The following EXT1 variants were observed in gnomAD, a reference collection of about 807,000 sequenced individuals.
EXT1 encodes exostosin glycosyltransferase 1, also known as exostosin-1.
A neutral mutation model predicts 82.5 loss-of-function variants in EXT1; 20 were observed. The observed-to-expected ratio is 0.24, with a 90% CI of 0.17 to 0.35. The LOEUF (loss-of-function observed/expected upper bound fraction) is 0.35. Ranked by LOEUF, EXT1 falls within the 10% of genes least tolerant of loss-of-function variation. The pLI, the probability that EXT1 is intolerant of heterozygous loss-of-function variation, is 1.00. For missense variants in EXT1, 757 were observed against 936.5 expected (o/e 0.81, Z 2.50); for synonymous variants, 348 against 350.8 (o/e 0.99, Z 0.09).
At chr8:117,905,722 C>G (rs1268275302) in intron 1 of EXT1, among the ~76,000 whole-genome samples, 2 of 151,454 alleles carry the variant, frequency 1.3e-5, no homozygotes, top group African/African-American at 4.9e-5. Context: ...TGAGGCAGGA[C>G]AATGGCGTGA....
intron 1 of EXT1, among the ~76,000 whole-genome samples, chr8:117,855,968 C>T (rs1048615573): frequency 6.6e-6 from 1 of 152,314 alleles, no homozygotes; most frequent in African/African-American, 2.4e-5. Flanking sequence ...CCATGCCCGG[C>T]CGCATCTCTC....
intron 1 of EXT1, among the ~76,000 whole-genome samples, chr8:117,889,743 T>A (rs1036275669): frequency 2.6e-5 from 4 of 152,178 alleles, no homozygotes; most frequent in South Asian, 2.1e-4. Flanking sequence ...CAAAAATTAC[T>A]TTGCATACAA....
intron 1 of EXT1, among the ~76,000 whole-genome samples, chr8:118,059,184 G>C (rs917101546): frequency 1.3e-5 from 2 of 152,170 alleles, no homozygotes; most frequent in African/African-American, 4.8e-5. Context: ...AGCCTTTTAG[G>C]GCAACAGGGG....
chr8:118,045,370 C>A (rs1257779814), intron 1 of EXT1, among the ~76,000 whole-genome samples: 1 of 152,146 alleles, frequency 6.6e-6, no homozygotes, highest in East Asian at 1.9e-4. Flanking sequence ...GGGAAGAAAG[C>A]ACAAGTTCAA....
intron 7 of EXT1, among the ~76,000 whole-genome samples, chr8:117,817,267 T>A (rs1811838448): frequency 6.6e-6 from 1 of 152,156 alleles, no homozygotes; most frequent in Admixed American, 6.5e-5. Context: ...CTTGTCCTTG[T>A]GACAGTTACA....
intron 1 of EXT1, among the ~76,000 whole-genome samples, chr8:117,913,061 T>TA (rs1426964056): frequency 6.6e-6 from 1 of 152,048 alleles, no homozygotes; most frequent in Non-Finnish European, 1.5e-5. Context: ...CTGTCTCTAA[T>TA]AAAAATACAA....
At chr8:117,928,330 G>C (rs1158748603) in intron 1 of EXT1, among the ~76,000 whole-genome samples, 2 of 152,218 alleles carry the variant, frequency 1.3e-5, no homozygotes, top group Non-Finnish European at 2.9e-5. Context: ...ATTACCTTAA[G>C]TAGGCACCTG....
chr8:117,998,733 T>A (rs1815598831), intron 1 of EXT1, among the ~76,000 whole-genome samples: 1 of 152,212 alleles, frequency 6.6e-6, no homozygotes, highest in South Asian at 2.1e-4. Context: ...CAGGCAAGGC[T>A]GCTGGGCACT....
chr8:118,075,164 G>A (rs1817183841), intron 1 of EXT1, among the ~76,000 whole-genome samples: 1 of 152,240 alleles, frequency 6.6e-6, no homozygotes, highest in African/African-American at 2.4e-5. Flanking sequence ...ATTTCCAGGA[G>A]CACCTGCAAA....
intron 1 of EXT1, among the ~76,000 whole-genome samples, chr8:117,927,262 A>G (rs1813970174): frequency 6.6e-6 from 1 of 152,318 alleles, no homozygotes; most frequent in South Asian, 2.1e-4. Flanking sequence ...TTTTGGAAAA[A>G]AAAAGAAAAA....
intron 1 of EXT1, among the ~76,000 whole-genome samples, chr8:118,039,117 C>T (rs868227117): frequency 6.6e-6 from 1 of 152,214 alleles, no homozygotes; most frequent in Non-Finnish European, 1.5e-5. Context: ...GCATAATAAA[C>T]ATTTGTAAGG....
intron 1 of EXT1, among the ~76,000 whole-genome samples, chr8:117,964,645 GTTT>G (rs1362978727): frequency 9.2e-5 from 14 of 151,826 alleles, no homozygotes; most frequent in Admixed American, 6.6e-4. Flanking sequence ...TTGTTTGTTT[GTTT>G]GTTTGTTTTT....
chr8:117,799,631 A>C lies in EXT1; in HGVS notation c.*81T>G, dbSNP rs895566910. 8 of 1,517,662 alleles carry C rather than the reference A, an allele frequency of 5.3e-6. No individual in the cohort carries two copies. In the East Asian group the frequency reaches 1.6e-4, roughly 30 times the overall value. 94.0% of individuals were successfully genotyped at this position (1,517,662 alleles called of 1,614,324 possible). ...TAGTTGGCACAATCTGGCTCTGCTG[A>C]TGAGTGGATCTGCACTGGGAAGAGA... On this transcript the variant is annotated 3_prime_UTR_variant, in exon 11 of 11. Coordinates refer to ENST00000378204, the MANE Select transcript of EXT1 (RefSeq NM_000127.3).
chr8:117,986,086 C>T (rs1467614218), intron 1 of EXT1, among the ~76,000 whole-genome samples: 3 of 151,886 alleles, frequency 2.0e-5, no homozygotes, highest in African/African-American at 4.8e-5. Flanking sequence ...AATAGAGTTA[C>T]TAAAAATTTT....
At chr8:117,973,757 G>C (rs1814994436) in intron 1 of EXT1, among the ~76,000 whole-genome samples, 1 of 148,638 alleles carries the variant, frequency 6.7e-6, no homozygotes, top group South Asian at 2.1e-4. Flanking sequence ...GACAGAGCAA[G>C]ACCCTATCTC....
chr8:118,069,911 T>C (rs1247424359), intron 1 of EXT1, among the ~76,000 whole-genome samples: 1 of 152,128 alleles, frequency 6.6e-6, no homozygotes, highest in Non-Finnish European at 1.5e-5. Flanking sequence ...TATCCACATA[T>C]GTAAAAGGTT....
chr8:117,805,732 C>T (rs1428521366), intron 9 of EXT1, among the ~76,000 whole-genome samples: 3 of 152,142 alleles, frequency 2.0e-5, no homozygotes, highest in Non-Finnish European at 4.4e-5. Context: ...AAGACTAAGG[C>T]AAGATTGGTG....
chr8:117,896,303 C>T (rs531700772), intron 1 of EXT1, among the ~76,000 whole-genome samples: 16 of 152,180 alleles, frequency 1.1e-4, no homozygotes, highest in East Asian at 3.8e-4. Context: ...TATTTTATTA[C>T]GAGCTTCCTT....
chr8:117,973,962 G>T (rs1815014864), intron 1 of EXT1, among the ~76,000 whole-genome samples: 1 of 150,522 alleles, frequency 6.6e-6, no homozygotes, highest in Non-Finnish European at 1.5e-5. Context: ...AGGAAGGAAG[G>T]AAGGAAGGAA....
Sources: gnomAD v4.1 joint callset for allele counts (sites outside exome capture counted in the v4.1 genomes callset) on GRCh38, gnomAD v4.1.1 for gene constraint, MANE v1.5 for transcripts, NCBI Gene and HGNC (gene_info 2026-07-23, HGNC 2026-07-21) for gene names.